GRIK4: variants seen among roughly 807,000 people sequenced by gnomAD.
GRIK4 encodes glutamate receptor ionotropic, kainate 4.
Under a neutral mutation model 104.9 loss-of-function variants are expected in GRIK4, and 40 were observed. That is an observed-to-expected ratio of 0.38 (90% CI 0.30 to 0.50). The LOEUF (loss-of-function observed/expected upper bound fraction) is 0.50, where lower values mean the gene tolerates loss of function less well. Ranked by LOEUF, GRIK4 falls within the 20% of genes least tolerant of loss-of-function variation. The pLI, the probability that GRIK4 is intolerant of heterozygous loss-of-function variation, is 0.93. For missense variants in GRIK4, 1,047 were observed against 1,308.1 expected, an observed-to-expected ratio of 0.80 and a Z score of 3.08; for synonymous variants, 485 against 524.9, an observed-to-expected ratio of 0.92 and a Z score of 1.04.
Position 120,549,986 on chromosome 11 carries a change from T to A in GRIK4, c.-159+38099T>A, listed in dbSNP as rs1037414596. Among the ~76,000 whole-genome samples, 2 of 152,174 alleles carry A rather than the reference T, an allele frequency of 1.3e-5. No individual in the cohort carries two copies. The highest frequency in any genetic ancestry group is 4.8e-5 in the African/African-American group (2 of 41,436). On this transcript the variant is annotated intron_variant, in intron 1 of 20. Transcript: ENST00000527524. This position sits in a 1 kb window ranked among gnomAD's most constrained non-coding sequence, Gnocchi z 4.7. ...GCGTTTTCTGTCACTTGCAAGGGGT[T>A]TGGTTCTAAGTGCAATGAAAAGCCA...
chr11:120,729,358 C>T (rs982110069), intron 3 of GRIK4, among the ~76,000 whole-genome samples: 3 of 152,210 alleles, frequency 2.0e-5, no homozygotes, highest in Non-Finnish European at 4.4e-5. Flanking sequence ...AGTGGTTATA[C>T]TAATCTACAT....
At chr11:120,884,720 CAG>C (rs1344370980) in intron 11 of GRIK4, among the ~76,000 whole-genome samples, 2 of 152,394 alleles carry the variant, frequency 1.3e-5, no homozygotes, top group East Asian at 3.9e-4. Context: ...GCCTGCCCGA[CAG>C]AGCGCTGCTC....
At chr11:120,961,656 C>T (rs1215271030) in intron 17 of GRIK4, among the ~76,000 whole-genome samples, 3 of 152,180 alleles carry the variant, frequency 2.0e-5, no homozygotes, top group Non-Finnish European at 4.4e-5. Flanking sequence ...CCTGCCACAG[C>T]GATGTGTTCG....
At chr11:120,948,007 C>G (rs1434988166) in intron 14 of GRIK4, among the ~76,000 whole-genome samples, 1 of 152,200 alleles carries the variant, frequency 6.6e-6, no homozygotes, top group African/African-American at 2.4e-5. Flanking sequence ...TTACTTGCTT[C>G]CTTTTTTCCT....
intron 1 of GRIK4, among the ~76,000 whole-genome samples, chr11:120,553,611 C>T (rs1025722386): frequency 1.3e-5 from 2 of 152,160 alleles, no homozygotes; most frequent in African/African-American, 4.8e-5. Flanking sequence ...AAGGTTTGAC[C>T]TGAACTCAGG....
rs80206735 is a variant in GRIK4, at chr11:120,588,077, G to A, written c.-158-65608G>A. 1.0e-3 allele frequency among the ~76,000 whole-genome samples: 154 copies of A among 152,276 alleles called. 1 individual carries two copies. In the East Asian group the frequency reaches 0.025, roughly 25 times the overall value. ...GCTGTGACACACTGACTGGGGGTGG[G>A]CTGCAAATTCAGGAGGGCAGGTGTG... On this transcript the variant is annotated intron_variant, in intron 1 of 20. Transcript: ENST00000527524.
intron 1 of GRIK4, among the ~76,000 whole-genome samples, chr11:120,605,190 T>G (rs562434754): frequency 4.6e-5 from 7 of 152,334 alleles, no homozygotes; most frequent in Admixed American, 3.9e-4. Flanking sequence ...CTGGCCAAGT[T>G]AGGGACCCCT....
Position 120,986,114 on chromosome 11 carries a change from G to A in GRIK4, c.2725G>A (p.Ala909Thr). The A allele has an allele frequency of 3.3e-6, 5 of 1,515,408 alleles. No individual in the cohort carries two copies. The highest frequency in any genetic ancestry group is 4.4e-6 in the Non-Finnish European group (5 of 1,139,550). The allele number at this position is 1,515,408 out of a possible 1,614,324, so 93.9% of individuals were successfully genotyped here. The change falls in exon 21 of 21, where the codon GCC (alanine) becomes ACC (threonine). Residue 909 changes from alanine to threonine, a missense_variant. Physicochemically the swap from Ala to Thr is moderately conservative, Grantham distance 58 (BLOSUM62 0). This residue lies in a region of GRIK4 where 160 missense variants were observed against 140.9 expected (regional missense o/e 1.14). Coordinates refer to ENST00000527524, the MANE Select transcript of GRIK4 (RefSeq NM_014619.5). ...GCTCGCGCAGAGACTGGCGCAGGAG[G>A]CCGCCCTGGTGGCCCGCGGCTGCAC... ...DQLAQRLAQEAALVARGCTHI... is the reference protein window; with the variant it reads ...DQLAQRLAQETALVARGCTHI...
intron 3 of GRIK4, among the ~76,000 whole-genome samples, chr11:120,733,183 G>T (rs1189282806): frequency 1.3e-5 from 2 of 152,002 alleles, no homozygotes; most frequent in Non-Finnish European, 2.9e-5. Context: ...GTTTCCATTG[G>T]CATGAAATAT....
intron 1 of GRIK4, among the ~76,000 whole-genome samples, chr11:120,551,435 C>A (rs1948138738): frequency 6.6e-6 from 1 of 152,166 alleles, no homozygotes; most frequent in African/African-American, 2.4e-5. Context: ...AGAATCTGAA[C>A]AGGCAGGCCG....
chr11:120,778,768 A>G (rs2135469021), intron 3 of GRIK4, among the ~76,000 whole-genome samples: 1 of 152,276 alleles, frequency 6.6e-6, no homozygotes, highest in East Asian at 1.9e-4. Context: ...CCTCCTTCAT[A>G]TCAGTGGGGC....
rs1555150753 is a variant in GRIK4 at position 120,644,011 on chromosome 11, C to CTCTGTGTGTGTG, written c.-158-9673_-158-9672insCTGTGTGTGTGT. ...ATGACAAGTTTCCAGGGGAGAGGGTCTGTGTGTGTGTGTGTGTGTGTGTGT... is the reference window on the plus strand; with the variant it reads ...ATGACAAGTTTCCAGGGGAGAGGGTCTCTGTGTGTGTGTGTGTGTGTGTGTGTGTGTGTGTGT... On this transcript the variant is annotated intron_variant, in intron 1 of 20. Transcript: ENST00000527524. Among the ~76,000 whole-genome samples the CTCTGTGTGTGTG allele has an allele frequency of 9.8e-5, 12 of 122,928 alleles. No individual in the cohort carries two copies. In the East Asian group the frequency reaches 1.1e-3, roughly 11 times the overall value. 80.6% of individuals were successfully genotyped at this position (122,928 alleles called of 152,430 possible). A position where few individuals can be genotyped will look rare whatever the true frequency, so the allele number is the denominator to read the frequency against.
intron 1 of GRIK4, among the ~76,000 whole-genome samples, chr11:120,515,582 G>A (rs962398769): frequency 2.0e-5 from 3 of 152,166 alleles, no homozygotes; most frequent in Admixed American, 6.5e-5. Context: ...TCGTCTGTCC[G>A]TTTGTCTCCC....
intron 1 of GRIK4, among the ~76,000 whole-genome samples, chr11:120,589,627 G>T (rs1334430422): frequency 6.6e-6 from 1 of 152,098 alleles, no homozygotes; most frequent in East Asian, 1.9e-4. Flanking sequence ...TGCTCTGGGA[G>T]CATTCCTTTT....
chr11:120,697,984 TG>T (rs955376185), intron 3 of GRIK4, among the ~76,000 whole-genome samples: 2 of 151,930 alleles, frequency 1.3e-5, no homozygotes, highest in Non-Finnish European at 2.9e-5. Flanking sequence ...CCCGAGTCTC[TG>T]GGGGTGGGGT....
At chr11:120,657,690 G>T (rs952916848) in intron 2 of GRIK4, among the ~76,000 whole-genome samples, 1 of 152,226 alleles carries the variant, frequency 6.6e-6, no homozygotes, top group Non-Finnish European at 1.5e-5. Flanking sequence ...CCCCATTCTG[G>T]CCATGGCAGG....
At position 120,824,917 on chromosome 11, in the gene GRIK4, T is replaced by TTTTG. The variant is rs368681794; in HGVS notation, c.511+5017_511+5020dup. ...CTTTCTGAGTTTTTTGTTTGCTTGT[T>TTTTG]TTTGTTTGTTTGTTTGTTTGTTTTT... On this transcript the variant is annotated intron_variant, in intron 6 of 20. Transcript: ENST00000527524. Among the ~76,000 whole-genome samples, 91 of 151,950 alleles carry TTTTG rather than the reference T, an allele frequency of 6.0e-4. 1 individual carries two copies. Among genetic ancestry groups the TTTTG allele is most frequent in the African/African-American group, 1.9e-3 (79 of 41,448 alleles).
intron 18 of GRIK4, among the ~76,000 whole-genome samples, chr11:120,963,702 T>G (rs1944332362): frequency 6.6e-6 from 1 of 152,224 alleles, no homozygotes; most frequent in African/African-American, 2.4e-5. Context: ...AATTGCAGGA[T>G]TCACTCACAC....
At chr11:120,665,880 G>T (rs1392267283) in intron 3 of GRIK4, among the ~76,000 whole-genome samples, 3 of 152,198 alleles carry the variant, frequency 2.0e-5, no homozygotes, top group Non-Finnish European at 4.4e-5. Flanking sequence ...CTGGCATGCT[G>T]TGGTGTCATC....
Sources: gnomAD v4.1 joint callset for allele counts (sites outside exome capture counted in the v4.1 genomes callset) on GRCh38, gnomAD v4.1.1 for gene constraint, gnomAD v4.1.1 regional missense constraint, Gnocchi (gnomAD v3.1) non-coding constraint, MANE v1.5 for transcripts, NCBI Gene and HGNC (gene_info 2026-07-23, HGNC 2026-07-21) for gene names.